C5: variants seen among roughly 807,000 people sequenced by gnomAD.
C5 encodes C3 and PZP-like alpha-2-macroglobulin domain-containing protein 4.
C5 carries 140 observed loss-of-function variants against 218.8 expected under a neutral mutation model. The ratio of observed to expected loss-of-function variants is 0.64; its 90% CI spans 0.56 to 0.74. The LOEUF (loss-of-function observed/expected upper bound fraction) is 0.74, where lower values mean the gene tolerates loss of function less well. C5 is among the 30% of genes least tolerant of loss of function. The pLI, the probability that C5 is intolerant of heterozygous loss-of-function variation, is 0.00. For missense variants in C5, 1,700 were observed against 1,969.6 expected, an observed-to-expected ratio of 0.86 and a Z score of 2.59; for synonymous variants, 614 against 682.3, an observed-to-expected ratio of 0.90 and a Z score of 1.56.
chr9:121,036,161 T>C (rs1339476997), intron 4 of C5, among the ~76,000 whole-genome samples: 1 of 152,206 alleles, frequency 6.6e-6, no homozygotes, highest in African/African-American at 2.4e-5. Context: ...TATTTCGTAA[T>C]TAATTGTAAA....
intron 25 of C5, among the ~76,000 whole-genome samples, chr9:120,984,523 C>T (rs2047018511): frequency 6.6e-6 from 1 of 152,068 alleles, no homozygotes; most frequent in Admixed American, 6.5e-5. Flanking sequence ...AGTTATACGG[C>T]CAGGCTGCCT....
At chr9:120,977,008 TA>T in intron 28 of C5, 103 bp from the exon 29 acceptor site, 1 of 992,826 alleles carries the variant, frequency 1.0e-6, no homozygotes, top group East Asian at 2.6e-5. Context: ...AGAAGCTACT[TA>T]CTTTTTCTTG....
intron 2 of C5, among the ~76,000 whole-genome samples, chr9:121,045,573 C>T (rs1051532540): frequency 1.3e-5 from 2 of 152,064 alleles, no homozygotes; most frequent in Non-Finnish European, 2.9e-5. Flanking sequence ...GCCCATTTTA[C>T]GTCTGATATT....
intron 17 of C5, among the ~76,000 whole-genome samples, chr9:121,010,450 T>C (rs1361756780): frequency 6.6e-6 from 1 of 152,010 alleles, no homozygotes; most frequent in East Asian, 1.9e-4. Flanking sequence ...ATTTCTACAA[T>C]GAAAACTATA....
chr9:121,019,894 G>A, intron 12 of C5, 82 bp downstream of exon 12: 3 of 867,794 alleles, frequency 3.5e-6, no homozygotes, highest in Non-Finnish European at 3.9e-6. Context: ...AAGTATAAAG[G>A]ATAATTCTAA....
At chr9:121,040,592 C>G (rs2047569117) in intron 3 of C5, among the ~76,000 whole-genome samples, 2 of 152,162 alleles carry the variant, frequency 1.3e-5, no homozygotes, top group African/African-American at 4.8e-5. Context: ...TTGTGCTATT[C>G]CATAGATAAT....
At chr9:121,062,506 T>A in the C5 span, among the ~76,000 whole-genome samples, 1 of 152,208 alleles carries the variant, frequency 6.6e-6, no homozygotes, top group Non-Finnish European at 1.5e-5. Flanking sequence ...TAAACTCATA[T>A]CTGACTTCAA....
intron 16 of C5, 76 bp from the exon 17 acceptor site, chr9:121,014,146 A>G (rs1045623455): frequency 2.3e-6 from 3 of 1,316,420 alleles, no homozygotes; most frequent in African/African-American, 2.9e-5. Context: ...ATCTCAAGGG[A>G]TACCTGGTTT....
At chr9:121,041,419 C>T (rs1165027423) in intron 3 of C5, among the ~76,000 whole-genome samples, 1 of 148,666 alleles carries the variant, frequency 6.7e-6, no homozygotes, top group African/African-American at 2.5e-5. Context: ...ATTCTCCTGC[C>T]TCAGCCTCCA....
intron 2 of C5, among the ~76,000 whole-genome samples, chr9:121,043,379 G>A (rs956949517): frequency 2.6e-5 from 4 of 152,188 alleles, no homozygotes. Context: ...GCAATTGAAA[G>A]TCTCTTTGGT....
chr9:121,060,879 T>G, the C5 span, among the ~76,000 whole-genome samples: 19 of 152,186 alleles, frequency 1.2e-4, no homozygotes, highest in Non-Finnish European at 1.5e-4. Flanking sequence ...AAGGTCTGTA[T>G]TGCTTCATTT....
intron 20 of C5, among the ~76,000 whole-genome samples, chr9:121,001,005 G>A (rs1394981037): frequency 6.6e-6 from 1 of 151,730 alleles, no homozygotes; most frequent in Non-Finnish European, 1.5e-5. Flanking sequence ...ATGACATAAA[G>A]GAAAAGATCT....
In C5 at chr9:121,034,939, TA is replaced by T; in HGVS notation, c.493-46del. On this transcript the variant is annotated intron_variant, in intron 4 of 40. Transcript: ENST00000223642. Reference sequence around the variant, plus strand: ...CCCTCAAAGGCCAGAAACTACATTTTAAAAAATTTAACTGATTATACAATCT... The same window carrying T: ...CCCTCAAAGGCCAGAAACTACATTTTAAAAATTTAACTGATTATACAATCT... 3.2e-6 allele frequency: 3 copies of T among 939,630 alleles called. No homozygotes were observed. In the Admixed American group the frequency reaches 5.9e-5, roughly 18 times the overall value. 58.2% of individuals were successfully genotyped at this position (939,630 alleles called of 1,614,324 possible). A position where few individuals can be genotyped will look rare whatever the true frequency, so the allele number is the denominator to read the frequency against.
At chr9:120,993,051 T>C (rs1007553986) in intron 22 of C5, among the ~76,000 whole-genome samples, 9 of 152,124 alleles carry the variant, frequency 5.9e-5, no homozygotes, top group Non-Finnish European at 2.9e-5. Context: ...GACAAGTATA[T>C]GAAGAAATGC....
At chr9:121,020,778 T>A (rs2159777) in intron 11 of C5, among the ~76,000 whole-genome samples, 1 of 152,038 alleles carries the variant, frequency 6.6e-6, no homozygotes, top group Non-Finnish European at 1.5e-5. Flanking sequence ...GTACCACCAC[T>A]TATTAACTCT....
intron 25 of C5, among the ~76,000 whole-genome samples, chr9:120,985,249 G>T (rs536636905): frequency 6.6e-6 from 1 of 152,246 alleles, no homozygotes; most frequent in East Asian, 1.9e-4. Context: ...TAGGCTATTT[G>T]ATTTGCTTTT....
intron 22 of C5, among the ~76,000 whole-genome samples, chr9:120,994,592 CA>C (rs35021159): frequency 0.42 from 61,562 of 147,512 alleles, 13,617 homozygotes; most frequent in South Asian, 0.63. Context: ...CCCCACCCCA[CA>C]AAAAAAAAAT....
the C5 span, among the ~76,000 whole-genome samples, chr9:121,060,575 A>T: frequency 1.3e-5 from 2 of 152,146 alleles, no homozygotes; most frequent in Non-Finnish European, 1.5e-5. Context: ...GTTTTTTACA[A>T]GAAAAAAAAC....
chr9:121,041,296 C>CGTTTT, intron 3 of C5, among the ~76,000 whole-genome samples: 1 of 38,598 alleles, frequency 2.6e-5, no homozygotes, highest in Non-Finnish European at 5.8e-5. Context: ...ATACATGAAG[C>CGTTTT]CTTTTTTTTT....
Sources: allele counts gnomAD v4.1 joint callset (sites outside exome capture counted in the v4.1 genomes callset), GRCh38; gene constraint gnomAD v4.1.1; transcripts MANE v1.5; gene names NCBI Gene and HGNC (gene_info 2026-07-23, HGNC 2026-07-21).